HMGCLL1: variants seen among roughly 807,000 people sequenced by gnomAD.
HMGCLL1 encodes 3-hydroxymethyl-3-methylglutaryl-CoA lyase, cytoplasmic.
HMGCLL1 carries 36 observed loss-of-function variants against 39.1 expected under a neutral mutation model. The ratio of observed to expected loss-of-function variants is 0.92; its 90% CI spans 0.71 to 1.22. The LOEUF (loss-of-function observed/expected upper bound fraction) is 1.22, where lower values mean the gene tolerates loss of function less well. Ranked by LOEUF, HMGCLL1 falls within the 50% of genes most tolerant of loss-of-function variation. HMGCLL1 has a pLI of 0.00. For synonymous variants in HMGCLL1, 149 were observed against 144.0 expected (o/e 1.03, Z -0.25); for missense variants, 451 against 416.5 (o/e 1.08, Z -0.72).
At chr6:55,446,923 T>C (rs780057506) in intron 7 of HMGCLL1, among the ~76,000 whole-genome samples, 1 of 152,048 alleles carries the variant, frequency 6.6e-6, no homozygotes, top group Non-Finnish European at 1.5e-5. Flanking sequence ...CTAAGATCAG[T>C]ATTTTATTTA....
At chr6:55,565,426 A>C (rs1771166176) in intron 1 of HMGCLL1, among the ~76,000 whole-genome samples, 1 of 152,092 alleles carries the variant, frequency 6.6e-6, no homozygotes, top group Non-Finnish European at 1.5e-5. Context: ...ATACTCTATT[A>C]ATGGTTAATG....
In HMGCLL1 at chr6:55,543,072, A is replaced by G. The variant is rs1338619455; in HGVS notation, c.109-932T>C. On this transcript the variant is annotated intron_variant, in intron 1 of 8. Coordinates refer to ENST00000274901, the MANE Select transcript of HMGCLL1 (RefSeq NM_001042406.2). ...ATATCATATATATGATATATAATAT[A>G]TATACAGGTGTGATATATATAATAT... Among the ~76,000 whole-genome samples, 9 of 81,288 alleles carry G rather than the reference A, an allele frequency of 1.1e-4. No individual in the cohort carries two copies. The South Asian group carries it at 3.5e-3, about 31-fold the overall frequency. The allele number at this position is 81,288 out of a possible 152,430, so 53.3% of individuals were successfully genotyped here. A position where few individuals can be genotyped will look rare whatever the true frequency, so the allele number is the denominator to read the frequency against.
intron 7 of HMGCLL1, among the ~76,000 whole-genome samples, chr6:55,454,015 G>A (rs1218157053): frequency 1.3e-5 from 2 of 152,168 alleles, no homozygotes; most frequent in African/African-American, 4.8e-5. Flanking sequence ...CACGTTTCCT[G>A]AAGCATTCCT....
the HMGCLL1 span, among the ~76,000 whole-genome samples, chr6:55,600,560 C>T: frequency 3.9e-5 from 6 of 152,112 alleles, no homozygotes; most frequent in South Asian, 4.1e-4. Flanking sequence ...CATGAAAACA[C>T]GTGAAATAAT....
intron 8 of HMGCLL1, among the ~76,000 whole-genome samples, chr6:55,437,109 T>C (rs1425240650): frequency 2.0e-5 from 3 of 152,040 alleles, no homozygotes; most frequent in East Asian, 3.9e-4. Flanking sequence ...ACAGTAGAAT[T>C]TGTTGATATC....
At chr6:55,581,035 A>G (rs1771977029), upstream of HMGCLL1, among the ~76,000 whole-genome samples, 1 of 152,338 alleles carries the variant, frequency 6.6e-6, no homozygotes, top group African/African-American at 2.4e-5. Flanking sequence ...CAACAACAAT[A>G]ATTTAACAAG....
chr6:55,490,311 T>C (rs1044473906), intron 7 of HMGCLL1, among the ~76,000 whole-genome samples: 3 of 152,118 alleles, frequency 2.0e-5, no homozygotes, highest in African/African-American at 7.2e-5. Context: ...AAATTAATGG[T>C]GCTGATGTAA....
the HMGCLL1 span, among the ~76,000 whole-genome samples, chr6:55,640,029 G>T: frequency 5.8e-4 from 89 of 152,158 alleles, no homozygotes; most frequent in African/African-American, 2.0e-3. Context: ...AGTGAGCCCA[G>T]ACCATGCCAT....
intron 6 of HMGCLL1, 124 bp from the exon 7 acceptor site, chr6:55,495,731 T>C: frequency 5.4e-6 from 3 of 557,950 alleles, no homozygotes; most frequent in Non-Finnish European, 9.0e-6. Context: ...CCATGAAAAA[T>C]ATATAATGTA....
At chr6:55,641,070 T>C in the HMGCLL1 span, among the ~76,000 whole-genome samples, 3 of 151,368 alleles carry the variant, frequency 2.0e-5, no homozygotes, top group East Asian at 3.9e-4. Context: ...TTTGGAGAGA[T>C]TTTCACAAGA....
chr6:55,477,182 T>TATCTA lies in HMGCLL1; in HGVS notation c.795+18236_795+18237insTAGAT, dbSNP rs1491427320. The stretch of plus-strand genomic sequence containing the variant: ...ATATTATAATATAATATATATTATA[T>TATCTA]TTATATATTATATATTATATAATAT... On this transcript the variant is annotated intron_variant, in intron 7 of 8. Transcript: ENST00000274901. Among the ~76,000 whole-genome samples the TATCTA allele has an allele frequency of 2.1e-3, 49 of 23,288 alleles. 4 individuals carry two copies. The highest frequency in any genetic ancestry group is 0.015 in the African/African-American group (48 of 3,218). The allele number at this position is 23,288 out of a possible 152,430, so 15.3% of individuals were successfully genotyped here. A position where few individuals can be genotyped will look rare whatever the true frequency, so the allele number is the denominator to read the frequency against.
chr6:55,436,918 G>A (rs966761959), intron 8 of HMGCLL1, among the ~76,000 whole-genome samples: 103 of 152,048 alleles, frequency 6.8e-4, no homozygotes, highest in African/African-American at 2.4e-3. Flanking sequence ...TGGTTTTGTC[G>A]TGGTAACGGC....
the HMGCLL1 span, among the ~76,000 whole-genome samples, chr6:55,630,075 A>G: frequency 6.6e-6 from 1 of 152,276 alleles, no homozygotes; most frequent in South Asian, 2.1e-4. Flanking sequence ...AGATCCACAG[A>G]CAACTTGCAC....
At chr6:55,544,543 C>T (rs1434572400) in intron 1 of HMGCLL1, among the ~76,000 whole-genome samples, 1 of 152,050 alleles carries the variant, frequency 6.6e-6, no homozygotes, top group Non-Finnish European at 1.5e-5. Flanking sequence ...GAATTCAAGC[C>T]AACCAGTTTA....
intron 1 of HMGCLL1, among the ~76,000 whole-genome samples, chr6:55,568,224 T>G (rs1215629544): frequency 6.6e-6 from 1 of 152,134 alleles, no homozygotes; most frequent in East Asian, 1.9e-4. Context: ...TGAGTTTTCA[T>G]TTAGGACTAA....
rs1307243170 is a variant in HMGCLL1, at chr6:55,573,292, A to C, written c.108+5656T>G. Among the ~76,000 whole-genome samples the C allele has an allele frequency of 2.0e-5, 3 of 152,188 alleles. 1 individual carries two copies. In the East Asian group the frequency reaches 5.8e-4, roughly 29 times the overall value. ...GAAGGACAGTATTATTCAGAGTCTCAAATTACATCTATAATTATTTTCATA... is the reference window on the plus strand; with the variant it reads ...GAAGGACAGTATTATTCAGAGTCTCCAATTACATCTATAATTATTTTCATA... On this transcript the variant is annotated intron_variant, in intron 1 of 8. Coordinates refer to ENST00000274901, the MANE Select transcript of HMGCLL1 (RefSeq NM_001042406.2).
In HMGCLL1 at chr6:55,533,754, C is replaced by T. The variant is rs532600973; in HGVS notation, c.297+7975G>A. Among the ~76,000 whole-genome samples, 157 of 149,314 alleles carry T rather than the reference C, an allele frequency of 1.1e-3. 2 individuals are homozygous for T. The South Asian group carries it at 0.016, about 15-fold the overall frequency. On this transcript the variant is annotated intron_variant, in intron 3 of 8. Coordinates refer to ENST00000274901, the MANE Select transcript of HMGCLL1 (RefSeq NM_001042406.2). ...ACAAAAAATTAGCCGGGCGTGGTAG[C>T]GGGCGCCTGTAGTCCCAGCTACTCG...
the HMGCLL1 span, among the ~76,000 whole-genome samples, chr6:55,586,584 C>A: frequency 6.6e-6 from 1 of 150,862 alleles, no homozygotes; most frequent in Non-Finnish European, 1.5e-5. Context: ...GTGATGTTCC[C>A]CTTCCTGTGT....
At chr6:55,662,719 C>T in the HMGCLL1 span, among the ~76,000 whole-genome samples, 90 of 151,894 alleles carry the variant, frequency 5.9e-4, no homozygotes, top group African/African-American at 2.1e-3. Flanking sequence ...AGGAGTCCCT[C>T]CTCCTCAGTT....
Sources: gnomAD v4.1 joint callset for allele counts (sites outside exome capture counted in the v4.1 genomes callset) on GRCh38, gnomAD v4.1.1 for gene constraint, MANE v1.5 for transcripts, NCBI Gene and HGNC (gene_info 2026-07-23, HGNC 2026-07-21) for gene names.